Variants in DACH1 observed in about 807,000 individuals in gnomAD.
The protein encoded by DACH1 is dachshund family transcription factor 1.
A neutral mutation model predicts 54.2 loss-of-function variants in DACH1; 12 were observed. The ratio of observed to expected loss-of-function variants is 0.22; its 90% CI spans 0.14 to 0.36. DACH1 has a LOEUF of 0.36. DACH1 is among the 10% of genes least tolerant of loss of function. DACH1 has a pLI of 1.00. For missense variants in DACH1, 805 were observed against 929.8 expected (o/e 0.87, Z 1.75); for synonymous variants, 386 against 366.2 (o/e 1.05, Z -0.62).
intron 1 of DACH1, among the ~76,000 whole-genome samples, chr13:71,825,457 T>C (rs965132672): frequency 1.3e-5 from 2 of 152,092 alleles, no homozygotes; most frequent in Non-Finnish European, 2.9e-5. Flanking sequence ...TTATTAAGTG[T>C]CACTTTCCAC....
At chr13:71,662,370 G>A (rs561630409) in intron 2 of DACH1, among the ~76,000 whole-genome samples, 59 of 152,072 alleles carry the variant, frequency 3.9e-4, no homozygotes, top group Admixed American at 1.4e-3. Context: ...CAATGCTGCC[G>A]ATAAACATAC....
chr13:71,464,034 C>T (rs1566274365), intron 10 of DACH1, among the ~76,000 whole-genome samples: 1 of 151,958 alleles, frequency 6.6e-6, no homozygotes, highest in East Asian at 1.9e-4. Flanking sequence ...GAAACACTGT[C>T]AGTCAATCTA....
intron 1 of DACH1, among the ~76,000 whole-genome samples, chr13:71,745,227 T>C (rs887596030): frequency 6.6e-6 from 1 of 152,194 alleles, no homozygotes; most frequent in Admixed American, 6.5e-5. Flanking sequence ...CTGTCCCCAC[T>C]TTAGTTTTCC....
At chr13:71,826,603 T>C (rs1888392234) in intron 1 of DACH1, among the ~76,000 whole-genome samples, 1 of 152,122 alleles carries the variant, frequency 6.6e-6, no homozygotes, top group African/African-American at 2.4e-5. Context: ...GGGCATGTAG[T>C]TGTGTATACA....
chr13:71,702,014 CTCT>C (rs1428892896), intron 1 of DACH1, among the ~76,000 whole-genome samples: 1 of 152,010 alleles, frequency 6.6e-6, no homozygotes, highest in Non-Finnish European at 1.5e-5. Flanking sequence ...TCTCTTTTTC[CTCT>C]TCTTCTTATC....
chr13:71,499,022 C>A (rs530849814), intron 6 of DACH1, among the ~76,000 whole-genome samples: 1 of 152,008 alleles, frequency 6.6e-6, no homozygotes, highest in African/African-American at 2.4e-5. Flanking sequence ...TATCTGTGTA[C>A]AGAGGTTTTT....
chr13:71,491,858 TAAG>T (rs928600305), intron 6 of DACH1, among the ~76,000 whole-genome samples: 5 of 152,180 alleles, frequency 3.3e-5, no homozygotes, highest in African/African-American at 9.6e-5. Flanking sequence ...CTAAATGTTC[TAAG>T]AAGATTAAAG....
At chr13:71,592,494 C>CAAAAAAAA (rs575364116) in intron 3 of DACH1, among the ~76,000 whole-genome samples, 15 of 32,690 alleles carry the variant, frequency 4.6e-4, no homozygotes, top group Non-Finnish European at 4.9e-4. Context: ...GACTCTATCT[C>CAAAAAAAA]AAAAAAAAAA....
intron 1 of DACH1, among the ~76,000 whole-genome samples, chr13:71,725,880 C>T (rs1883446616): frequency 6.6e-6 from 1 of 152,118 alleles, no homozygotes; most frequent in African/African-American, 2.4e-5. Context: ...CACTGGATTA[C>T]ATGGGGCTTT....
intron 6 of DACH1, among the ~76,000 whole-genome samples, chr13:71,493,432 C>T (rs1036935470): frequency 6.6e-6 from 1 of 152,036 alleles, no homozygotes; most frequent in African/African-American, 2.4e-5. Flanking sequence ...CCAGAAGCAC[C>T]CAGGGAAGCT....
chr13:71,659,391 T>C (rs1418472240), intron 2 of DACH1, among the ~76,000 whole-genome samples: 2 of 152,336 alleles, frequency 1.3e-5, no homozygotes, highest in African/African-American at 4.8e-5. Context: ...TAGTGGTAAG[T>C]AATTATACCA....
rs149718735 is a variant in DACH1, at chr13:71,605,403, G to A, written c.1126+25153C>T. Among the ~76,000 whole-genome samples, 782 of 151,694 alleles carry A rather than the reference G, an allele frequency of 5.2e-3. 6 individuals are homozygous for A. The highest frequency in any genetic ancestry group is 0.018 in the African/African-American group (741 of 41,482). ...ATTTTTAATATCAAAAGATATGTTCGAGTATGACAAACTTCTATTTATGAA... is the reference window on the plus strand; with the variant it reads ...ATTTTTAATATCAAAAGATATGTTCAAGTATGACAAACTTCTATTTATGAA... On this transcript the variant is annotated intron_variant, in intron 3 of 10. Transcript: ENST00000613252.
chr13:71,484,304 A>T (rs1314547786), intron 7 of DACH1, among the ~76,000 whole-genome samples: 3 of 152,086 alleles, frequency 2.0e-5, no homozygotes, highest in African/African-American at 7.2e-5. Context: ...AATAGCTGGG[A>T]CTGTGGGCAT....
Position 71,537,939 on chromosome 13 carries a change from G to A in DACH1, c.1570+19085C>T, listed in dbSNP as rs562635651. The stretch of plus-strand genomic sequence containing the variant: ...CTGAAATCATAAATACATGAGCCAT[G>A]TAGATATTTTCTCTATGAGTTTAAA... On this transcript the variant is annotated intron_variant, in intron 6 of 10. Transcript: ENST00000613252. Among the ~76,000 whole-genome samples the A allele has an allele frequency of 1.3e-4, 20 of 152,138 alleles. 1 individual carries two copies. The South Asian group carries it at 4.1e-3, about 32-fold the overall frequency.
At chr13:71,587,679 C>G (rs554675722) in intron 3 of DACH1, among the ~76,000 whole-genome samples, 4 of 152,092 alleles carry the variant, frequency 2.6e-5, no homozygotes, top group African/African-American at 9.6e-5. Flanking sequence ...GAGAATTAAT[C>G]TATGATACCA....
intron 4 of DACH1, among the ~76,000 whole-genome samples, chr13:71,568,249 G>T (rs1885007400): frequency 6.6e-6 from 1 of 151,964 alleles, no homozygotes; most frequent in Non-Finnish European, 1.5e-5. Flanking sequence ...TGGCTTAACA[G>T]AATTTTATGT....
At chr13:71,799,567 C>T (rs750611849) in intron 1 of DACH1, among the ~76,000 whole-genome samples, 10 of 152,002 alleles carry the variant, frequency 6.6e-5, no homozygotes, top group South Asian at 2.1e-4. Flanking sequence ...ACTATAAAAC[C>T]GAGACAGATA....
chr13:71,505,058 G>C (rs967034478), intron 6 of DACH1, among the ~76,000 whole-genome samples: 1 of 152,052 alleles, frequency 6.6e-6, no homozygotes, highest in African/African-American at 2.4e-5. Flanking sequence ...ACATATATTT[G>C]TTAATTAGAT....
At chr13:71,693,381 C>G (rs1032563966) in intron 1 of DACH1, among the ~76,000 whole-genome samples, 1 of 144,444 alleles carries the variant, frequency 6.9e-6, no homozygotes. Flanking sequence ...CGGCTCACTG[C>G]AAGCTCCGCC....
Sources: gnomAD v4.1 joint callset for allele counts (sites outside exome capture counted in the v4.1 genomes callset) on GRCh38, gnomAD v4.1.1 for gene constraint, MANE v1.5 for transcripts, NCBI Gene and HGNC (gene_info 2026-07-23, HGNC 2026-07-21) for gene names.